The following KCNK18 variants were observed in gnomAD, a reference collection of about 807,000 sequenced individuals.
KCNK18 encodes potassium channel subfamily K member 18.
A neutral mutation model predicts 11.8 loss-of-function variants in KCNK18; 8 were observed. That is an observed-to-expected ratio of 0.68 (90% confidence interval 0.40 to 1.22). KCNK18 has a LOEUF of 1.22. Ranked by LOEUF, KCNK18 falls within the 50% of genes most tolerant of loss-of-function variation. The pLI is 0.01. For missense variants in KCNK18, 442 were observed against 465.4 expected, an observed-to-expected ratio of 0.95 and a Z score of 0.46; for synonymous variants, 208 against 185.8, an observed-to-expected ratio of 1.12 and a Z score of -0.97.
At chr10:117,202,334 G>A (rs1855022704) in intron 2 of KCNK18, among the ~76,000 whole-genome samples, 2 of 152,224 alleles carry the variant, frequency 1.3e-5, no homozygotes, top group African/African-American at 4.8e-5. Context: ...TATGTAAGTG[G>A]CAGCCAGGAT....
intron 2 of KCNK18, among the ~76,000 whole-genome samples, chr10:117,205,011 G>T (rs1855060440): frequency 6.6e-6 from 1 of 152,238 alleles, no homozygotes; most frequent in South Asian, 2.1e-4. Flanking sequence ...GGAAGAGGAT[G>T]TTGGGGAATG....
At chr10:117,208,915 A>C (rs1855108401) in intron 2 of KCNK18, among the ~76,000 whole-genome samples, 1 of 151,980 alleles carries the variant, frequency 6.6e-6, no homozygotes, top group Non-Finnish European at 1.5e-5. Context: ...TAATTTTTCT[A>C]TTTTTAGTTG....
At chr10:117,200,816 A>G (rs1855004591) in intron 1 of KCNK18, among the ~76,000 whole-genome samples, 1 of 151,208 alleles carries the variant, frequency 6.6e-6, no homozygotes, top group African/African-American at 2.4e-5. Flanking sequence ...TGTCTCAAGA[A>G]AAAAAAAAAA....
At chr10:117,199,301 C>T (rs1854986835) in intron 1 of KCNK18, among the ~76,000 whole-genome samples, 1 of 152,184 alleles carries the variant, frequency 6.6e-6, no homozygotes, top group African/African-American at 2.4e-5. Flanking sequence ...GCCTGGATGA[C>T]AGAGCCAGAG....
intron 2 of KCNK18, among the ~76,000 whole-genome samples, chr10:117,205,277 T>C (rs7079076): frequency 0.03 from 4,535 of 152,306 alleles, 229 homozygotes; most frequent in African/African-American, 0.1. Flanking sequence ...TATGAATGCA[T>C]TCTAAGAAAT....
chr10:117,203,398 G>T (rs1424246217), intron 2 of KCNK18, among the ~76,000 whole-genome samples: 9 of 152,160 alleles, frequency 5.9e-5, no homozygotes, highest in Admixed American at 5.9e-4. Flanking sequence ...CAGGGCTGAG[G>T]TCAAACCTCA....
rs1448863577 is a variant in KCNK18 at position 117,209,818 on chromosome 10, T to C, written c.674T>C (p.Met225Thr). The change falls in exon 3 of 3, where the codon ATG becomes ACG. Residue 225 changes from methionine to threonine, a missense_variant. Transcript: ENST00000334549. Reference sequence around the variant, plus strand: ...TGTCCTTCACGCCCAAGCTGCAGCATGGAGCTGTTTGAGAGATCTCATGCG... The same window carrying C: ...TGTCCTTCACGCCCAAGCTGCAGCACGGAGCTGTTTGAGAGATCTCATGCG... The part of the protein sequence containing the change: ...GTCPSRPSCS[M>T]ELFERSHALE... 1 of 1,614,016 alleles carries C rather than the reference T, an allele frequency of 6.2e-7. No individual in the cohort carries two copies. Among genetic ancestry groups the C allele is most frequent in the Non-Finnish European group, 8.5e-7 (1 of 1,180,016 alleles).
intron 1 of KCNK18, among the ~76,000 whole-genome samples, chr10:117,199,672 A>C (rs1448448262): frequency 6.6e-6 from 1 of 152,188 alleles, no homozygotes; most frequent in East Asian, 1.9e-4. Flanking sequence ...CCACCATCTC[A>C]GGCTGTCTCT....
Position 117,210,268 on chromosome 10 carries a change from A to G in KCNK18, c.1124A>G (p.Lys375Arg). 6.2e-7 allele frequency: 1 copy of G among 1,614,068 alleles called. No individual in the cohort carries two copies. Among genetic ancestry groups the G allele is most frequent in the Non-Finnish European group, 8.5e-7 (1 of 1,180,018 alleles). Residue 375 changes from lysine (K) to arginine (R), a missense_variant, in exon 3 of 3, where the codon AAA (lysine) becomes AGA (arginine). Transcript: ENST00000334549. ...IYKNVMLFFA[K>R]GKFYHLVKK Reference sequence around the variant, plus strand: ...AAAAATGTTATGCTATTCTTTGCAAAAGGGAAGTTTTACCACCTTGTTAAA... The same window carrying G: ...AAAAATGTTATGCTATTCTTTGCAAGAGGGAAGTTTTACCACCTTGTTAAA...
Position 117,210,186 on chromosome 10 carries a change from A to T in KCNK18, c.1042A>T (p.Met348Leu). The T allele has an allele frequency of 6.2e-7, 1 of 1,614,200 alleles. No individual in the cohort carries two copies. The highest frequency in any genetic ancestry group is 8.5e-7 in the Non-Finnish European group (1 of 1,180,006). Reference sequence around the variant, plus strand: ...CTTCTCCATTTATATCATCGTTGGAATGGAGATTGTGTTCATTGCTTTCAA... The same window carrying T: ...CTTCTCCATTTATATCATCGTTGGATTGGAGATTGTGTTCATTGCTTTCAA... ...LFFSIYIIVGMEIVFIAFKLV... is the reference protein window; with the variant it reads ...LFFSIYIIVGLEIVFIAFKLV... Residue 348 changes from methionine (M) to leucine (L), a missense_variant, in exon 3 of 3, where the codon ATG becomes TTG. Met to Leu is a conservative substitution (Grantham distance 15). Coordinates refer to ENST00000334549, the MANE Select transcript of KCNK18 (RefSeq NM_181840.1).
intron 1 of KCNK18, among the ~76,000 whole-genome samples, chr10:117,199,444 G>T (rs1854988113): frequency 6.6e-6 from 1 of 152,184 alleles, no homozygotes; most frequent in Non-Finnish European, 1.5e-5. Flanking sequence ...TTCCATAAGG[G>T]TTAGTTGCAT....
At chr10:117,205,401 G>A (rs2133704757) in intron 2 of KCNK18, among the ~76,000 whole-genome samples, 1 of 152,316 alleles carries the variant, frequency 6.6e-6, no homozygotes, top group African/African-American at 2.4e-5. Flanking sequence ...TCAGGAATGT[G>A]ACATATTGCA....
At position 117,201,179 on chromosome 10, in the gene KCNK18, G is replaced by A. The variant is rs1855009691; in HGVS notation, c.244G>A (p.Asp82Asn). The change falls in exon 2 of 3, where the codon GAT becomes AAT. Residue 82 changes from aspartate (D) to asparagine (N), a missense_variant. Transcript: ENST00000334549. ...SETVVEDRKQDLQGHLQKVKP... is the reference protein window; with the variant it reads ...SETVVEDRKQNLQGHLQKVKP... ...TCCAGTGGTGGAAGACAGAAAACAGGATCTCCAGGGGCATCTGCAGAAGGT... is the reference window on the plus strand; with the variant it reads ...TCCAGTGGTGGAAGACAGAAAACAGAATCTCCAGGGGCATCTGCAGAAGGT... 1.2e-6 allele frequency: 2 copies of A among 1,614,072 alleles called. No individual in the cohort carries two copies. Among genetic ancestry groups the A allele is most frequent in the African/African-American group, 1.3e-5 (1 of 74,928 alleles).
At position 117,209,737 on chromosome 10, in the gene KCNK18, C is replaced by A. The variant is rs363359; in HGVS notation, c.593C>A (p.Ala198Asp). 1.2e-6 allele frequency: 2 copies of A among 1,614,206 alleles called. No individual in the cohort carries two copies. Among genetic ancestry groups the A allele is most frequent in the Non-Finnish European group, 1.7e-6 (2 of 1,180,044 alleles). The change falls in exon 3 of 3, where the codon GCT becomes GAT. Residue 198 changes from alanine to aspartate, a missense_variant. Transcript: ENST00000334549. Reference protein sequence around the residue: ...KKPDPKPADEAVPQIIISAEE... With the variant: ...KKPDPKPADEDVPQIIISAEE... ...CCGGACCCCAAGCCCGCAGATGAAG[C>A]TGTCCCTCAGATCATCATCAGTGCT...
rs561124161 is a variant in KCNK18 at position 117,209,426 on chromosome 10, C to T, written c.353-71C>T. On this transcript the variant is annotated intron_variant, in intron 2 of 2. Transcript: ENST00000334549. ...CCAAGGAGGGGAGATGGCAGAAGGT[C>T]TCTTTAAAGCTTTTGGGGGGAAAAA... 43 of 1,248,480 alleles carry T rather than the reference C, an allele frequency of 3.4e-5. No homozygotes were observed. The African/African-American group carries it at 5.0e-4, about 15-fold the overall frequency. 77.3% of individuals were successfully genotyped at this position (1,248,480 alleles called of 1,614,324 possible).
chr10:117,209,973 G>A lies in KCNK18; in HGVS notation c.829G>A (p.Glu277Lys). Residue 277 changes from glutamate (E) to lysine (K), a missense_variant, in exon 3 of 3, where the codon GAG (glutamate) becomes AAG (lysine). Transcript: ENST00000334549. ...CCTGGATGAAGTTGGACAGCAGGTG[G>A]AGAGGTTGGACATCCCCCTCCCCAT... ...SNLDEVGQQV[E>K]RLDIPLPIIA... 1 of 1,614,182 alleles carries A rather than the reference G, an allele frequency of 6.2e-7. No homozygotes were observed. The highest frequency in any genetic ancestry group is 8.5e-7 in the Non-Finnish European group (1 of 1,180,040).
At chr10:117,209,434 A>G (rs1855114770) in intron 2 of KCNK18, 63 bp from the exon 3 acceptor site, 2 of 1,380,210 alleles carry the variant, frequency 1.4e-6, no homozygotes, top group Non-Finnish European at 2.1e-6. Flanking sequence ...GTCTCTTTAA[A>G]GCTTTTGGGG....
At chr10:117,205,189 C>T (rs1855062236) in intron 2 of KCNK18, among the ~76,000 whole-genome samples, 1 of 152,222 alleles carries the variant, frequency 6.6e-6, no homozygotes, top group South Asian at 2.1e-4. Flanking sequence ...TGGGTCATCC[C>T]TCTTGGATTA....
rs776526309 is a variant in KCNK18, at chr10:117,197,619, T to C, written c.131T>C (p.Ile44Thr). 4 of 1,614,066 alleles carry C rather than the reference T, an allele frequency of 2.5e-6. No individual in the cohort carries two copies. The Admixed American group carries it at 6.7e-5, about 27-fold the overall frequency. ...GTGGGTGCTGTGGTCTTCTCTGCCA[T>C]TGAGGACGGCCAGGTCCTGGTGGCA... is the stretch of plus-strand genomic sequence containing the variant. Reference protein sequence around the residue: ...ALVGAVVFSAIEDGQVLVAAD... With the variant: ...ALVGAVVFSATEDGQVLVAAD... Residue 44 changes from isoleucine to threonine, a missense_variant, in exon 1 of 3, where the codon ATT (isoleucine) becomes ACT (threonine). Coordinates refer to ENST00000334549, the MANE Select transcript of KCNK18 (RefSeq NM_181840.1).
Sources: gnomAD v4.1 joint callset for allele counts (sites outside exome capture counted in the v4.1 genomes callset) on GRCh38, gnomAD v4.1.1 for gene constraint, MANE v1.5 for transcripts, NCBI Gene and HGNC (gene_info 2026-07-23, HGNC 2026-07-21) for gene names.